MYBL2: variants seen among roughly 807,000 people sequenced by gnomAD.
The protein encoded by MYBL2 is MYB proto-oncogene like 2.
A neutral mutation model predicts 79.9 loss-of-function variants in MYBL2; 28 were observed. The observed-to-expected ratio is 0.35, with a 90% CI of 0.26 to 0.48. The LOEUF (loss-of-function observed/expected upper bound fraction) is 0.48, where lower values mean the gene tolerates loss of function less well. MYBL2 is among the 20% of genes least tolerant of loss of function. The probability of loss-of-function intolerance (pLI) is 0.99; values close to 1 mark genes in which losing one functional copy is unlikely to be tolerated. For synonymous variants in MYBL2, 378 were observed against 361.2 expected, an observed-to-expected ratio of 1.05 and a Z score of -0.53; for missense variants, 735 against 893.9, an observed-to-expected ratio of 0.82 and a Z score of 2.27.
At position 43,716,191 on chromosome 20, in the gene MYBL2, C is replaced by T; in HGVS notation, c.*104C>T. The T allele has an allele frequency of 6.5e-7, 1 of 1,544,246 alleles. No individual in the cohort carries two copies. Among genetic ancestry groups the T allele is most frequent in the Non-Finnish European group, 8.7e-7 (1 of 1,145,906 alleles). On this transcript the variant is annotated 3_prime_UTR_variant, in exon 14 of 14. Coordinates refer to ENST00000217026, the MANE Select transcript of MYBL2 (RefSeq NM_002466.4). ...ATTCAGGTGACCTCCTGCAGGGAGC[C>T]TTCTGCCACCAGCCCCTCCCCAGAC...
Position 43,667,207 on chromosome 20 carries a change from G to A in MYBL2, c.-77G>A, listed in dbSNP as rs958090942. 9.1e-7 allele frequency: 1 copy of A among 1,098,684 alleles called. No individual in the cohort carries two copies. The highest frequency in any genetic ancestry group is 1.6e-5 in the African/African-American group (1 of 60,742). The allele number at this position is 1,098,684 out of a possible 1,614,324, so 68.1% of individuals were successfully genotyped here. A position where few individuals can be genotyped will look rare whatever the true frequency, so the allele number is the denominator to read the frequency against. On this transcript the variant is annotated 5_prime_UTR_variant, in exon 1 of 14. Coordinates refer to ENST00000217026, the MANE Select transcript of MYBL2 (RefSeq NM_002466.4). ...GGCCCGGAGCGGCCGGAGCAGCCCG[G>A]GTCCTGACCCCGGCCCGGCTCCCGC...
At chr20:43,690,495 G>A (rs1285777582) in intron 5 of MYBL2, among the ~76,000 whole-genome samples, 1 of 152,052 alleles carries the variant, frequency 6.6e-6, no homozygotes, top group Non-Finnish European at 1.5e-5. Context: ...GAAGCCGTCG[G>A]CAGCATGCCC....
chr20:43,713,100 ATCC>A lies in MYBL2; in HGVS notation c.1820_1822del (p.Ser607del). On this transcript the variant is annotated inframe_deletion, in exon 12 of 14. Transcript: ENST00000217026. ...TGATGTCCACACTGCCCAAGTCTCTATCCTTGGTAAGGCTTCTGCTCCTTGGAA... is the reference window on the plus strand; with the variant it reads ...TGATGTCCACACTGCCCAAGTCTCTATTGGTAAGGCTTCTGCTCCTTGGAA... The A allele has an allele frequency of 6.2e-7, 1 of 1,611,482 alleles. No individual in the cohort carries two copies.
chr20:43,695,109 C>T (rs1297523528), intron 6 of MYBL2, among the ~76,000 whole-genome samples: 7 of 151,138 alleles, frequency 4.6e-5, no homozygotes, highest in Non-Finnish European at 1.0e-4. Flanking sequence ...TCTCTGCTTG[C>T]TGCAACCTCC....
chr20:43,716,227 A>C lies in MYBL2; in HGVS notation c.*140A>C. ...AGCCCCTCCCCAGACTCTCAGGTGG[A>C]GGCAACAGGGCCATGTGCTGCCCTG... On this transcript the variant is annotated 3_prime_UTR_variant, in exon 14 of 14. Coordinates refer to ENST00000217026, the MANE Select transcript of MYBL2 (RefSeq NM_002466.4). The C allele has an allele frequency of 1.5e-6, 2 of 1,335,348 alleles. No homozygotes were observed. Among genetic ancestry groups the C allele is most frequent in the Non-Finnish European group, 2.0e-6 (2 of 983,068 alleles). 82.7% of individuals were successfully genotyped at this position (1,335,348 alleles called of 1,614,324 possible). A position where few individuals can be genotyped will look rare whatever the true frequency, so the allele number is the denominator to read the frequency against.
chr20:43,694,524 T>C (rs900883356), intron 6 of MYBL2, among the ~76,000 whole-genome samples: 2 of 152,314 alleles, frequency 1.3e-5, no homozygotes, highest in Admixed American at 1.3e-4. Flanking sequence ...TGGGTAGAGA[T>C]AACTTGTTGA....
chr20:43,690,185 G>GT (rs1187190435), intron 5 of MYBL2, among the ~76,000 whole-genome samples: 2 of 145,074 alleles, frequency 1.4e-5, no homozygotes, highest in African/African-American at 2.8e-5. Flanking sequence ...TCCAAGAGCT[G>GT]TTTTTTGTTT....
chr20:43,676,676 G>A lies in MYBL2; in HGVS notation c.114+2777G>A, dbSNP rs1000416136. 3.9e-5 allele frequency among the ~76,000 whole-genome samples: 6 copies of A among 152,200 alleles called. No homozygotes were observed. The East Asian group carries it at 1.2e-3, about 29-fold the overall frequency. On this transcript the variant is annotated intron_variant, in intron 2 of 13. Coordinates refer to ENST00000217026, the MANE Select transcript of MYBL2 (RefSeq NM_002466.4). ...TACATGTTTCCCTTTCTTTTGGGAA[G>A]ATAGGTATGGTCATGGGGTAGGTGT... is the stretch of plus-strand genomic sequence containing the variant.
chr20:43,699,994 A>G lies in MYBL2; in HGVS notation c.901A>G (p.Ile301Val). 6.2e-7 allele frequency: 1 copy of G among 1,614,070 alleles called. No homozygotes were observed. Among genetic ancestry groups the G allele is most frequent in the East Asian group, 2.2e-5 (1 of 44,890 alleles). Reference protein sequence around the residue: ...KWVVEAANLLIPAVGSSLSEA... With the variant: ...KWVVEAANLLVPAVGSSLSEA... ...GGTGGTGGAGGCAGCTAACCTCCTC[A>G]TCCCTGCTGTGGGTTCTAGCCTCTC... The change falls in exon 7 of 14, where the codon ATC becomes GTC. Residue 301 changes from isoleucine to valine, a missense_variant. Physicochemically the swap from Ile to Val is conservative, Grantham distance 29. Coordinates refer to ENST00000217026, the MANE Select transcript of MYBL2 (RefSeq NM_002466.4).
chr20:43,700,993 A>T (rs1009589308), intron 7 of MYBL2, among the ~76,000 whole-genome samples: 7 of 152,172 alleles, frequency 4.6e-5, no homozygotes, highest in Admixed American at 3.3e-4. Flanking sequence ...TGCCAGGCCC[A>T]TCACTTGCTA....
chr20:43,709,872 G>A (rs934840121), intron 9 of MYBL2, 91 bp from the exon 10 acceptor site: 20 of 1,065,664 alleles, frequency 1.9e-5, no homozygotes, highest in Non-Finnish European at 2.7e-6. Flanking sequence ...GGGGCCAAAG[G>A]TCGCACTGGG....
intron 4 of MYBL2, among the ~76,000 whole-genome samples, chr20:43,685,042 G>A (rs1211428140): frequency 1.3e-5 from 2 of 151,402 alleles, no homozygotes; most frequent in Non-Finnish European, 2.9e-5. Context: ...AGCTACTTGG[G>A]AGGCTGAGGC....
At chr20:43,669,030 A>AT (rs1437863267) in intron 1 of MYBL2, among the ~76,000 whole-genome samples, 1 of 152,094 alleles carries the variant, frequency 6.6e-6, no homozygotes, top group Non-Finnish European at 1.5e-5. Flanking sequence ...CGCCTGGCTA[A>AT]TTTTTTGGAT....
At position 43,699,743 on chromosome 20, in the gene MYBL2, C is replaced by A. The variant is rs907983937; in HGVS notation, c.664-14C>A. ...CTCAGCGAAATGCAAATGGTGTATT[C>A]TTGTGTCTTACAGGGAAGTCTTCTG... On this transcript the variant is annotated splice_polypyrimidine_tract_variant and intron_variant, in intron 6 of 13. Transcript: ENST00000217026. 1 of 1,613,354 alleles carries A rather than the reference C, an allele frequency of 6.2e-7. No homozygotes were observed. Among genetic ancestry groups the A allele is most frequent in the African/African-American group, 1.3e-5 (1 of 74,894 alleles).
chr20:43,691,543 ATT>A (rs3092517), intron 5 of MYBL2, among the ~76,000 whole-genome samples: 1 of 141,684 alleles, frequency 7.1e-6, no homozygotes. Flanking sequence ...TTATATATAC[ATT>A]TTTTTTTTTT....
chr20:43,677,303 C>T (rs966109152), intron 2 of MYBL2, among the ~76,000 whole-genome samples: 4 of 152,194 alleles, frequency 2.6e-5, no homozygotes, highest in Non-Finnish European at 5.9e-5. Flanking sequence ...CCGGTAGGAT[C>T]AGTGTCTGTT....
chr20:43,713,981 T>C (rs1249689298), intron 12 of MYBL2, among the ~76,000 whole-genome samples: 7 of 152,182 alleles, frequency 4.6e-5, no homozygotes, highest in African/African-American at 1.4e-4. Context: ...CCAAGTAGAC[T>C]GCTGCCCTCA....
At chr20:43,685,059 A>G (rs111255121) in intron 4 of MYBL2, among the ~76,000 whole-genome samples, 1,534 of 151,094 alleles carry the variant, frequency 0.01, 32 homozygotes, top group African/African-American at 0.036. Flanking sequence ...AGGCAGGAGA[A>G]TCACCTGAAG....
chr20:43,692,337 C>A lies in MYBL2; in HGVS notation c.663+18C>A, dbSNP rs770778442. The A allele has an allele frequency of 6.2e-7, 1 of 1,612,982 alleles. No individual in the cohort carries two copies. Among genetic ancestry groups the A allele is most frequent in the South Asian group, 1.1e-5 (1 of 91,012 alleles). ...AAGGCCAGGTGAGACAGCTGCTCAG[C>A]CTTTGGCTTGGTTTGATTTCACATT... On this transcript the variant is annotated intron_variant, in intron 6 of 13. Transcript: ENST00000217026.
Sources: allele counts gnomAD v4.1 joint callset (sites outside exome capture counted in the v4.1 genomes callset), GRCh38; gene constraint gnomAD v4.1.1; transcripts MANE v1.5; gene names NCBI Gene and HGNC (gene_info 2026-07-23, HGNC 2026-07-21).